Variants in PSMA8 observed in about 807,000 individuals in gnomAD.
PSMA8 encodes the protein proteasome 20S subunit alpha 8.
Under a neutral mutation model 32.4 loss-of-function variants are expected in PSMA8, and 18 were observed. That is an observed-to-expected ratio of 0.56 (90% CI 0.38 to 0.82). PSMA8 has a LOEUF of 0.82. Among genes scored for constraint, PSMA8 ranks in the 40% least tolerant of loss-of-function variants. PSMA8 has a pLI of 0.00. For synonymous variants in PSMA8, 104 were observed against 98.1 expected (o/e 1.06, Z -0.36); for missense variants, 298 against 300.7 (o/e 0.99, Z 0.07).
At chr18:26,150,344 T>TC (rs1315646300) in intron 2 of PSMA8, among the ~76,000 whole-genome samples, 1 of 152,078 alleles carries the variant, frequency 6.6e-6, no homozygotes, top group African/African-American at 2.4e-5. Context: ...TGATTCCTTT[T>TC]TTTTTTTTCA....
intron 3 of PSMA8, among the ~76,000 whole-genome samples, chr18:26,157,328 A>G (rs1033231814): frequency 2.6e-5 from 4 of 151,744 alleles, no homozygotes; most frequent in African/African-American, 9.7e-5. Flanking sequence ...CAGGGCAGGC[A>G]GATCCCCTGA....
intron 4 of PSMA8, among the ~76,000 whole-genome samples, chr18:26,175,654 TG>T (rs1035791457): frequency 3.3e-5 from 5 of 152,186 alleles, no homozygotes; most frequent in Non-Finnish European, 5.9e-5. Flanking sequence ...TGGAGGTGTA[TG>T]GGGCAGTATG....
In PSMA8 at chr18:26,148,373, A is replaced by G. The variant is rs78012671; in HGVS notation, c.230-3485A>G. 3.6e-3 allele frequency among the ~76,000 whole-genome samples: 542 copies of G among 152,118 alleles called. 5 individuals carry two copies. Among genetic ancestry groups the G allele is most frequent in the African/African-American group, 0.012 (504 of 41,560 alleles). On this transcript the variant is annotated intron_variant, in intron 2 of 6. Coordinates refer to ENST00000415576, the MANE Select transcript of PSMA8 (RefSeq NM_001025096.2). ...AGCATGGTTCAACATATGAAGATCA[A>G]TCAATGTAATATACCACATTAACAG...
At chr18:26,187,111 A>C (rs2055361707) in intron 6 of PSMA8, among the ~76,000 whole-genome samples, 1 of 152,218 alleles carries the variant, frequency 6.6e-6, no homozygotes, top group South Asian at 2.1e-4. Flanking sequence ...TTGGGAGGCC[A>C]AGGCGGCCAG....
At chr18:26,174,995 C>G (rs1435778494) in intron 4 of PSMA8, among the ~76,000 whole-genome samples, 1 of 152,198 alleles carries the variant, frequency 6.6e-6, no homozygotes, top group Non-Finnish European at 1.5e-5. Context: ...AACTAAGAAC[C>G]TCAGGGCTGA....
chr18:26,150,573 C>T (rs556238570), intron 2 of PSMA8, among the ~76,000 whole-genome samples: 3 of 152,262 alleles, frequency 2.0e-5, no homozygotes, highest in East Asian at 3.9e-4. Flanking sequence ...CACCTGGCTT[C>T]AAGCAAGTCT....
At chr18:26,178,373 G>A (rs765602853) in intron 4 of PSMA8, among the ~76,000 whole-genome samples, 1 of 152,144 alleles carries the variant, frequency 6.6e-6, no homozygotes, top group African/African-American at 2.4e-5. Flanking sequence ...ACTTTGAGAG[G>A]CTGAGACAGG....
At chr18:26,139,045 A>T (rs565876616) in intron 1 of PSMA8, among the ~76,000 whole-genome samples, 1 of 152,356 alleles carries the variant, frequency 6.6e-6, no homozygotes, top group South Asian at 2.1e-4. Context: ...TGTGGTGGTC[A>T]TGCCCTTGTA....
chr18:26,188,145 TA>T (rs2055371566), intron 6 of PSMA8, among the ~76,000 whole-genome samples: 1 of 151,866 alleles, frequency 6.6e-6, no homozygotes, highest in Non-Finnish European at 1.5e-5. Context: ...TTTTGGAAAC[TA>T]TACGAATACA....
In PSMA8 at chr18:26,170,929, A is replaced by T; in HGVS notation, c.478-7901A>T. The T allele has an allele frequency of 1.1e-5, 17 of 1,557,894 alleles. 3 individuals carry two copies. The highest frequency in any genetic ancestry group is 1.2e-5 in the Non-Finnish European group (14 of 1,168,858). ...TGATTCATGGCTTCCTTATAAACAG[A>T]ACTGCCACCAACTATCCAGACCATG... is the stretch of plus-strand genomic sequence containing the variant. On this transcript the variant is annotated intron_variant, in intron 4 of 6. Transcript: ENST00000415576.
intron 1 of PSMA8, among the ~76,000 whole-genome samples, 171 bp downstream of exon 1, chr18:26,134,238 CG>C (rs1358268239): frequency 5.3e-5 from 8 of 151,952 alleles, no homozygotes; most frequent in Admixed American, 5.2e-4. Context: ...AGATTTGGGC[CG>C]GAAGTGGGCA....
chr18:26,153,860 A>G (rs2055065681), intron 3 of PSMA8, among the ~76,000 whole-genome samples: 1 of 151,552 alleles, frequency 6.6e-6, no homozygotes, highest in Non-Finnish European at 1.5e-5. Flanking sequence ...GGTTTTTAGA[A>G]CACTTTTTGG....
intron 2 of PSMA8, among the ~76,000 whole-genome samples, chr18:26,148,885 C>T (rs1463641119): frequency 1.3e-5 from 2 of 152,166 alleles, no homozygotes; most frequent in Non-Finnish European, 2.9e-5. Context: ...CTCACTCTAT[C>T]ACTCAGCCTG....
chr18:26,177,808 TTCTTCA>T (rs766794311), intron 4 of PSMA8, among the ~76,000 whole-genome samples: 1 of 152,180 alleles, frequency 6.6e-6, no homozygotes, highest in Non-Finnish European at 1.5e-5. Flanking sequence ...GTAAATAGCT[TTCTTCA>T]TGTTGATGTC....
intron 1 of PSMA8, among the ~76,000 whole-genome samples, chr18:26,142,902 C>T (rs1035775782): frequency 3.3e-5 from 5 of 152,100 alleles, no homozygotes; most frequent in African/African-American, 9.7e-5. Flanking sequence ...TTTCAACATA[C>T]GAATTTGGGG....
chr18:26,193,175 A>G lies in PSMA8; in HGVS notation c.*764A>G, dbSNP rs2055417686. 6.6e-6 allele frequency: 1 copy of G among 152,152 alleles called. No individual in the cohort carries two copies. Among genetic ancestry groups the G allele is most frequent in the Non-Finnish European group, 1.5e-5 (1 of 68,026 alleles). The allele number at this position is 152,152 out of a possible 1,614,324, so 9.4% of individuals were successfully genotyped here. A position where few individuals can be genotyped will look rare whatever the true frequency, so the allele number is the denominator to read the frequency against. On this transcript the variant is annotated 3_prime_UTR_variant, in exon 7 of 7. Transcript: ENST00000415576. ...GTGTGTTCGGTTTGTTACATATTCCATGAAATATCTGAGTGTGTATTTTAT... is the reference window on the plus strand; with the variant it reads ...GTGTGTTCGGTTTGTTACATATTCCGTGAAATATCTGAGTGTGTATTTTAT...
intron 4 of PSMA8, chr18:26,171,084 A>G: frequency 6.4e-7 from 1 of 1,559,230 alleles, no homozygotes; most frequent in Non-Finnish European, 8.5e-7. Flanking sequence ...TCTACCCTTT[A>G]AAGGTCGATT....
intron 4 of PSMA8, among the ~76,000 whole-genome samples, chr18:26,161,037 A>G (rs918829289): frequency 5.3e-5 from 8 of 152,248 alleles, no homozygotes; most frequent in Non-Finnish European, 1.0e-4. Context: ...GATGAAAACA[A>G]ATCATACTGT....
intron 6 of PSMA8, among the ~76,000 whole-genome samples, chr18:26,184,305 C>T (rs746638890): frequency 2.0e-5 from 3 of 150,550 alleles, no homozygotes; most frequent in South Asian, 2.1e-4. Flanking sequence ...TTAAAAAGAA[C>T]GTAAAGAATG....
Sources: allele counts gnomAD v4.1 joint callset (sites outside exome capture counted in the v4.1 genomes callset), GRCh38; gene constraint gnomAD v4.1.1; transcripts MANE v1.5; gene names NCBI Gene and HGNC (gene_info 2026-07-23, HGNC 2026-07-21).